The following SPTBN1 variants were observed in gnomAD, a reference collection of about 807,000 sequenced individuals.
SPTBN1 encodes spectrin beta, non-erythrocytic 1.
In SPTBN1, 32 loss-of-function variants were observed where a neutral mutation model predicts 266.4. The observed-to-expected ratio is 0.12, with a 90% CI of 0.09 to 0.16. The LOEUF (loss-of-function observed/expected upper bound fraction) is 0.16. Ranked by LOEUF, SPTBN1 falls within the 10% of genes least tolerant of loss-of-function variation. The pLI, the probability that SPTBN1 is intolerant of heterozygous loss-of-function variation, is 1.00. For synonymous variants in SPTBN1, 1,336 were observed against 1,162.2 expected (o/e 1.15, Z -3.04); for missense variants, 2,296 against 3,067.1 (o/e 0.75, Z 5.94).
intron 2 of SPTBN1, chr2:54,535,071 C>T (rs960253729): frequency 2.0e-5 from 3 of 152,194 alleles, no homozygotes; most frequent in Admixed American, 2.0e-4. Flanking sequence ...TGTGAAAAAT[C>T]TCATAGAATT....
chr2:54,459,161 G>C (rs1412669052), intron 1 of SPTBN1, among the ~76,000 whole-genome samples: 2 of 152,172 alleles, frequency 1.3e-5, no homozygotes, highest in Non-Finnish European at 2.9e-5. Flanking sequence ...AATTCTGTTG[G>C]GTTAAGCTCT....
chr2:54,581,577 CTTTTTT>C (rs70944181), intron 2 of SPTBN1, among the ~76,000 whole-genome samples: 4,663 of 102,724 alleles, frequency 0.045, 247 homozygotes, highest in African/African-American at 0.17. Flanking sequence ...TTTCTTTGCC[CTTTTTT>C]TTTTTTTTTT....
chr2:54,611,089 T>G (rs1301750310), intron 3 of SPTBN1, among the ~76,000 whole-genome samples: 1 of 152,216 alleles, frequency 6.6e-6, no homozygotes, highest in Non-Finnish European at 1.5e-5. Flanking sequence ...TTTGTGTGTA[T>G]GAGTTTTGAT....
intron 2 of SPTBN1, among the ~76,000 whole-genome samples, chr2:54,541,126 G>T (rs1041198774): frequency 3.9e-5 from 6 of 152,204 alleles, no homozygotes; most frequent in Admixed American, 1.3e-4. Context: ...ACATGTATTT[G>T]ACAGTTCCAT....
chr2:54,503,492 C>G (rs139403724), intron 1 of SPTBN1, among the ~76,000 whole-genome samples: 62 of 152,322 alleles, frequency 4.1e-4, no homozygotes, highest in African/African-American at 1.4e-3. Flanking sequence ...AGCACCTACA[C>G]TCTTGAAAAT....
intron 2 of SPTBN1, among the ~76,000 whole-genome samples, chr2:54,578,776 G>GTT (rs1553451526): frequency 6.6e-6 from 1 of 151,800 alleles, no homozygotes; most frequent in African/African-American, 2.4e-5. Context: ...GTGTGTGTGT[G>GTT]TGATGATAAT....
At chr2:54,583,121 C>T (rs915803995) in intron 2 of SPTBN1, among the ~76,000 whole-genome samples, 1 of 152,044 alleles carries the variant, frequency 6.6e-6, no homozygotes, top group Non-Finnish European at 1.5e-5. Flanking sequence ...CCATTTGCCT[C>T]TGATCTTATT....
chr2:54,496,899 G>T (rs555544840), intron 1 of SPTBN1, among the ~76,000 whole-genome samples: 1 of 152,198 alleles, frequency 6.6e-6, no homozygotes, highest in Admixed American at 6.5e-5. Context: ...CTGTGCTCAT[G>T]GAAGTATTGA....
intron 1 of SPTBN1, among the ~76,000 whole-genome samples, chr2:54,496,276 A>C (rs1573273131): frequency 6.6e-6 from 1 of 151,902 alleles, no homozygotes; most frequent in African/African-American, 2.4e-5. Flanking sequence ...CGTCTCTACT[A>C]AAATACAAAA....
chr2:54,506,894 CTTTTT>C (rs779582626), intron 1 of SPTBN1, among the ~76,000 whole-genome samples: 2 of 133,504 alleles, frequency 1.5e-5, no homozygotes, highest in African/African-American at 5.9e-5. Context: ...GGTTCTCTCT[CTTTTT>C]TTTTTTTTTG....
intron 18 of SPTBN1, among the ~76,000 whole-genome samples, chr2:54,640,791 A>G (rs1447991331): frequency 6.6e-6 from 1 of 152,158 alleles, no homozygotes; most frequent in Non-Finnish European, 1.5e-5. Context: ...GCCTCAAGTG[A>G]CCCACCCGCC....
In SPTBN1 at chr2:54,645,279, A is replaced by G. The variant is rs1164241318; in HGVS notation, c.4320A>G (p.Gln1440=). The G allele has an allele frequency of 6.2e-7, 1 of 1,614,078 alleles. No individual in the cohort carries two copies. The highest frequency in any genetic ancestry group is 8.5e-7 in the Non-Finnish European group (1 of 1,180,028). The change falls in exon 21 of 36, where the codon CAA becomes CAG. Residue 1440 remains glutamine (Q), a synonymous_variant. Coordinates refer to ENST00000356805, the MANE Select transcript of SPTBN1 (RefSeq NM_003128.3). The surrounding 1 kb of genome is among the most constrained non-coding windows in gnomAD (Gnocchi z 4.3). The part of the protein sequence containing the change: ...EVRKKEIEEL[Q]SQAQALSQEG... The stretch of plus-strand genomic sequence containing the variant: ...GGAAGAAGGAGATCGAAGAGCTCCA[A>G]AGCCAAGCCCAGGCCCTGAGTCAGG...
Position 54,670,486 on chromosome 2 carries a change from CTG to C in SPTBN1, c.*1918_*1919del, listed in dbSNP as rs1297948382. The C allele has an allele frequency of 1.0e-5, 4 of 390,726 alleles. No individual in the cohort carries two copies. The East Asian group carries it at 1.1e-4, about 11-fold the overall frequency. The allele number at this position is 390,726 out of a possible 1,614,324, so 24.2% of individuals were successfully genotyped here. A position where few individuals can be genotyped will look rare whatever the true frequency, so the allele number is the denominator to read the frequency against. ...CTTAACTCTCTTACCTCTAGGCAAA[CTG>C]AGACCTCACCATCCTCTCCCCTGCT... On this transcript the variant is annotated 3_prime_UTR_variant, in exon 36 of 36. Coordinates refer to ENST00000356805, the MANE Select transcript of SPTBN1 (RefSeq NM_003128.3).
chr2:54,486,118 G>C (rs1348787673), intron 1 of SPTBN1, among the ~76,000 whole-genome samples: 21 of 143,184 alleles, frequency 1.5e-4, no homozygotes, highest in African/African-American at 5.2e-4. Context: ...CCCCACGCCC[G>C]GCCAGCCGCC....
chr2:54,471,800 A>ATTTTTTTTTTTTTCTTTTTTTTTTTTTT (rs1693934516), intron 1 of SPTBN1, among the ~76,000 whole-genome samples: 1 of 102,718 alleles, frequency 9.7e-6, no homozygotes, highest in Non-Finnish European at 1.9e-5. Context: ...TTTTTTATCG[A>ATTTTTTTTTTTTTCTTTTTTTTTTTTTT]TTTTTTTTTT....
chr2:54,569,543 G>A (rs542590222), intron 2 of SPTBN1, among the ~76,000 whole-genome samples: 11 of 152,210 alleles, frequency 7.2e-5, no homozygotes, highest in Admixed American at 2.0e-4. Flanking sequence ...TAATATAGAC[G>A]AGTTTTGTCT....
intron 2 of SPTBN1, among the ~76,000 whole-genome samples, chr2:54,594,520 G>C (rs1056699335): frequency 2.0e-5 from 3 of 152,188 alleles, no homozygotes; most frequent in African/African-American, 4.8e-5. Context: ...TTTGGTTTCT[G>C]AGGGAGGTCC....
At chr2:54,504,861 G>A (rs1223543466) in intron 1 of SPTBN1, among the ~76,000 whole-genome samples, 1 of 152,060 alleles carries the variant, frequency 6.6e-6, no homozygotes, top group East Asian at 1.9e-4. Flanking sequence ...AATATTTCCA[G>A]TGGCGTACTT....
At chr2:54,514,680 T>C (rs1670023029) in intron 1 of SPTBN1, among the ~76,000 whole-genome samples, 1 of 152,212 alleles carries the variant, frequency 6.6e-6, no homozygotes, top group Non-Finnish European at 1.5e-5. Flanking sequence ...ATTCTAATTC[T>C]TTAGTACAGA....
Sources: allele counts gnomAD v4.1 joint callset (sites outside exome capture counted in the v4.1 genomes callset), GRCh38; gene constraint gnomAD v4.1.1; non-coding constraint Gnocchi (gnomAD v3.1); transcripts MANE v1.5; gene names NCBI Gene and HGNC (gene_info 2026-07-23, HGNC 2026-07-21).